ROR1: variants seen among roughly 807,000 people sequenced by gnomAD.
ROR1 encodes the protein inactive tyrosine-protein kinase transmembrane receptor ROR1.
In ROR1, 19 loss-of-function variants were observed where a neutral mutation model predicts 78.8. That is an observed-to-expected ratio of 0.24 (90% CI 0.17 to 0.35). The LOEUF is 0.35. Among genes scored for constraint, ROR1 ranks in the 10% least tolerant of loss-of-function variants. The pLI is 1.00. For synonymous variants in ROR1, 386 were observed against 433.6 expected (o/e 0.89, Z 1.36); for missense variants, 917 against 1,177.8 (o/e 0.78, Z 3.24).
intron 1 of ROR1, among the ~76,000 whole-genome samples, chr1:63,779,937 G>A (rs777089124): frequency 1.3e-4 from 20 of 152,046 alleles, no homozygotes; most frequent in Non-Finnish European, 2.5e-4. Flanking sequence ...ATCTTGGCAG[G>A]GCCAGCAAAT....
intron 1 of ROR1, among the ~76,000 whole-genome samples, chr1:63,928,885 T>C (rs1050626588): frequency 3.3e-5 from 5 of 152,188 alleles, no homozygotes; most frequent in African/African-American, 9.7e-5. Context: ...CGGACTGCTC[T>C]TTACCTTATC....
At chr1:63,876,995 A>T (rs1481819987) in intron 1 of ROR1, among the ~76,000 whole-genome samples, 2 of 152,152 alleles carry the variant, frequency 1.3e-5, no homozygotes, top group Non-Finnish European at 2.9e-5. Flanking sequence ...TGCCATGTGC[A>T]TTGTTTTTCC....
intron 7 of ROR1, among the ~76,000 whole-genome samples, chr1:64,151,131 G>T (rs1649609754): frequency 6.6e-6 from 1 of 152,216 alleles, no homozygotes; most frequent in Non-Finnish European, 1.5e-5. Flanking sequence ...ATTTAGGGAG[G>T]CATTGGCAGA....
intron 1 of ROR1, among the ~76,000 whole-genome samples, chr1:63,944,442 A>T (rs1173849043): frequency 6.6e-6 from 1 of 152,204 alleles, no homozygotes; most frequent in Non-Finnish European, 1.5e-5. Flanking sequence ...TGTGCATTGG[A>T]TACATTTTCA....
At chr1:63,882,179 A>C (rs1457131679) in intron 1 of ROR1, among the ~76,000 whole-genome samples, 2 of 152,182 alleles carry the variant, frequency 1.3e-5, no homozygotes, top group East Asian at 3.8e-4. Flanking sequence ...GCAAAGTTGG[A>C]CCTGGAAGCA....
intron 2 of ROR1, among the ~76,000 whole-genome samples, chr1:64,015,411 C>T (rs1199007008): frequency 1.3e-5 from 2 of 152,180 alleles, no homozygotes; most frequent in African/African-American, 2.4e-5. Context: ...GACTCAGCCC[C>T]CTGGCCTGCC....
At chr1:64,034,683 A>G (rs542263331) in intron 2 of ROR1, among the ~76,000 whole-genome samples, 1 of 152,138 alleles carries the variant, frequency 6.6e-6, no homozygotes, top group African/African-American at 2.4e-5. Context: ...GCCTTCTTCC[A>G]GGCTTCTGTA....
At chr1:64,130,499 C>T (rs1019903365) in intron 4 of ROR1, among the ~76,000 whole-genome samples, 1 of 152,166 alleles carries the variant, frequency 6.6e-6, no homozygotes, top group African/African-American at 2.4e-5. Context: ...CCCCAGCCAT[C>T]CCTTTCCTTG....
At chr1:63,881,674 A>G (rs11208314) in intron 1 of ROR1, among the ~76,000 whole-genome samples, 2,093 of 152,328 alleles carry the variant, frequency 0.014, 49 homozygotes, top group African/African-American at 0.048. Flanking sequence ...TCTGGGAAAC[A>G]AAGTCATTCA....
At chr1:63,863,939 A>C (rs1645199348) in intron 1 of ROR1, among the ~76,000 whole-genome samples, 1 of 152,162 alleles carries the variant, frequency 6.6e-6, no homozygotes, top group African/African-American at 2.4e-5. Flanking sequence ...GCCTTTCTGC[A>C]GTGTTTTTCT....
chr1:64,056,817 T>C (rs1176809146), intron 4 of ROR1, among the ~76,000 whole-genome samples: 30 of 152,234 alleles, frequency 2.0e-4, no homozygotes, highest in Admixed American at 1.8e-3. Context: ...TATGTTTTCT[T>C]TGGGGAAATG....
At chr1:63,838,106 C>T (rs1300280076) in intron 1 of ROR1, among the ~76,000 whole-genome samples, 2 of 152,054 alleles carry the variant, frequency 1.3e-5, no homozygotes, top group East Asian at 3.9e-4. Flanking sequence ...CAGTTATATG[C>T]AGTATACCTA....
At chr1:63,789,597 GA>G (rs1324766649) in intron 1 of ROR1, among the ~76,000 whole-genome samples, 1 of 151,852 alleles carries the variant, frequency 6.6e-6, no homozygotes, top group Non-Finnish European at 1.5e-5. Context: ...GGAGGAGAAG[GA>G]GGGTGGGGGC....
At chr1:64,042,296 T>C (rs1646751319) in intron 2 of ROR1, among the ~76,000 whole-genome samples, 1 of 152,196 alleles carries the variant, frequency 6.6e-6, no homozygotes, top group African/African-American at 2.4e-5. Flanking sequence ...TGGAATACTT[T>C]TGATATTCCA....
intron 1 of ROR1, among the ~76,000 whole-genome samples, chr1:63,935,041 T>TG (rs1553145456): frequency 1.3e-5 from 2 of 151,286 alleles, no homozygotes; most frequent in East Asian, 1.9e-4. Flanking sequence ...TTTTTTTTTT[T>TG]GGGTAGAGGG....
intron 1 of ROR1, among the ~76,000 whole-genome samples, chr1:63,809,856 G>T (rs924601819): frequency 6.6e-6 from 1 of 152,138 alleles, no homozygotes; most frequent in East Asian, 1.9e-4. Flanking sequence ...TTAAAGCAAG[G>T]CACACAAGAA....
chr1:64,080,860 G>A (rs1374998851), intron 4 of ROR1, among the ~76,000 whole-genome samples: 2 of 152,208 alleles, frequency 1.3e-5, no homozygotes, highest in Non-Finnish European at 2.9e-5. Context: ...TTCCAAGCCA[G>A]GATAAGACCA....
intron 4 of ROR1, among the ~76,000 whole-genome samples, chr1:64,109,689 A>C (rs574429599): frequency 1.3e-5 from 2 of 152,084 alleles, no homozygotes; most frequent in Non-Finnish European, 2.9e-5. Context: ...CAGCATGCCC[A>C]GCTAATTTTT....
At chr1:64,038,351 A>T (rs1005791773) in intron 2 of ROR1, among the ~76,000 whole-genome samples, 1 of 151,956 alleles carries the variant, frequency 6.6e-6, no homozygotes, top group African/African-American at 2.4e-5. Context: ...GCCTGTTTTG[A>T]TCTCAGCCTC....
Sources: gnomAD v4.1 joint callset for allele counts (sites outside exome capture counted in the v4.1 genomes callset) on GRCh38, gnomAD v4.1.1 for gene constraint, MANE v1.5 for transcripts, NCBI Gene and HGNC (gene_info 2026-07-23, HGNC 2026-07-21) for gene names.